SIRPD: variants seen among roughly 807,000 people sequenced by gnomAD.
SIRPD encodes the protein signal regulatory protein delta, also known as signal-regulatory protein delta.
A neutral mutation model predicts 18.0 loss-of-function variants in SIRPD; 21 were observed. That is an observed-to-expected ratio of 1.17 (90% CI 0.83 to 1.68). The LOEUF is 1.68. SIRPD is among the 40% of genes most tolerant of loss of function. The pLI, the probability that SIRPD is intolerant of heterozygous loss-of-function variation, is 0.00. For synonymous variants in SIRPD, 106 were observed against 92.9 expected (o/e 1.14, Z -0.81); for missense variants, 295 against 238.4 (o/e 1.24, Z -1.56).
chr20:1,548,243 T>C (rs1186468495), intron 2 of SIRPD, among the ~76,000 whole-genome samples: 1 of 152,224 alleles, frequency 6.6e-6, no homozygotes, highest in African/African-American at 2.4e-5. Context: ...CTATGGGTTT[T>C]GCATCCATGC....
intron 1 of SIRPD, chr20:1,554,088 TTG>T (rs778248914): frequency 2.6e-5 from 4 of 152,634 alleles, no homozygotes; most frequent in Non-Finnish European, 4.4e-5. Flanking sequence ...TGATCAACCA[TTG>T]TGTTTTCCAC....
intron 2 of SIRPD, among the ~76,000 whole-genome samples, chr20:1,548,800 A>G (rs2091005673): frequency 6.6e-6 from 1 of 152,058 alleles, no homozygotes; most frequent in South Asian, 2.1e-4. Context: ...TAAAGTTGCT[A>G]GTAATGTTCC....
rs1162041243 is a variant in SIRPD at position 1,537,241 on chromosome 20, T to G, written c.491A>C (p.His164Pro). The G allele has an allele frequency of 1.2e-6, 2 of 1,614,136 alleles. No individual in the cohort carries two copies. Among genetic ancestry groups the G allele is most frequent in the Non-Finnish European group, 1.7e-6 (2 of 1,180,010 alleles). ...RAGSRAHHDA[H>P]TCLSALPERN... is the part of the protein sequence containing the mutation. ...CTCAGGCAGGGCCGAGAGGCAGGTA[T>G]GGGCATCATGGTGGGCCCTGGAGCC... is the stretch of plus-strand genomic sequence containing the variant. The change falls in exon 3 of 4, where the codon CAT (histidine) becomes CCT (proline). Residue 164 changes from histidine (H) to proline (P), a missense_variant. By Grantham distance (77) the His-to-Pro change is moderately conservative. Transcript: ENST00000381623.
chr20:1,546,054 G>C (rs1176780728), intron 2 of SIRPD, among the ~76,000 whole-genome samples: 1 of 152,198 alleles, frequency 6.6e-6, no homozygotes, highest in African/African-American at 2.4e-5. Context: ...GGTGTCTGTC[G>C]ACCCCTGCTG....
intron 3 of SIRPD, among the ~76,000 whole-genome samples, chr20:1,535,252 G>C (rs950203708): frequency 6.6e-6 from 1 of 152,180 alleles, no homozygotes; most frequent in Non-Finnish European, 1.5e-5. Flanking sequence ...GATGTATCTA[G>C]AAGCAGCACA....
chr20:1,551,713 C>T lies in SIRPD; in HGVS notation c.399G>A (p.Arg133=), dbSNP rs1405361381. The change falls in exon 2 of 4, where the codon CGG becomes CGA. Residue 133 remains arginine, a synonymous_variant. Transcript: ENST00000381623. Reference sequence around the variant, plus strand: ...CACCAGTAACAAACACCTGAGTGCCCCGACCTGATTGGTACTCCTTGATAG... The same window carrying T: ...CACCAGTAACAAACACCTGAGTGCCTCGACCTGATTGGTACTCCTTGATAG... ...GRAIKEYQSG[R]GTQVFVTEQN... The T allele has an allele frequency of 6.2e-7, 1 of 1,613,370 alleles. No homozygotes were observed. Among genetic ancestry groups the T allele is most frequent in the African/African-American group, 1.3e-5 (1 of 74,872 alleles).
In SIRPD at chr20:1,557,603, C is replaced by T. The variant is rs2250055; in HGVS notation, c.51G>A (p.Leu17=). 357,862 of 1,595,110 alleles carry T rather than the reference C, an allele frequency of 0.22. 43,540 individuals carry two copies. The highest frequency in any genetic ancestry group is 0.25 in the Non-Finnish European group (295,908 of 1,170,614). Residue 17 remains leucine (L), a synonymous_variant, in exon 1 of 4, where the codon CTG becomes CTA. Transcript: ENST00000381623. ...CACCTGCCAGTTCAAGCAGCAGATA[C>T]AGCAGTAAGGAAGGCAGAGGTGGGT... ...PLHPPLPSLL[L]YLLLELAGVT... is the part of the protein sequence containing the mutation.
chr20:1,544,547 C>T (rs1230524710), intron 2 of SIRPD, among the ~76,000 whole-genome samples: 1 of 151,890 alleles, frequency 6.6e-6, no homozygotes, highest in Non-Finnish European at 1.5e-5. Context: ...ATACAACACA[C>T]CGATGGGTCT....
chr20:1,552,996 G>T (rs566671286), intron 1 of SIRPD, among the ~76,000 whole-genome samples: 1 of 152,138 alleles, frequency 6.6e-6, no homozygotes, highest in African/African-American at 2.4e-5. Flanking sequence ...ATTTCATGAC[G>T]TTAATTCAGA....
At chr20:1,552,297 G>C (rs914532306) in intron 1 of SIRPD, among the ~76,000 whole-genome samples, 1 of 152,188 alleles carries the variant, frequency 6.6e-6, no homozygotes, top group African/African-American at 2.4e-5. Context: ...GACAGGGAGA[G>C]AGAAGGGGCA....
intron 3 of SIRPD, among the ~76,000 whole-genome samples, chr20:1,534,972 G>A (rs775031782): frequency 1.3e-5 from 2 of 152,154 alleles, no homozygotes; most frequent in African/African-American, 4.8e-5. Flanking sequence ...GATTTGTAAA[G>A]GAATGGTAAT....
chr20:1,538,009 A>C (rs1415222711), intron 2 of SIRPD, among the ~76,000 whole-genome samples: 1 of 151,954 alleles, frequency 6.6e-6, no homozygotes, highest in Non-Finnish European at 1.5e-5. Context: ...GGGAGAAGGG[A>C]GTGGAGGAGA....
intron 1 of SIRPD, among the ~76,000 whole-genome samples, chr20:1,556,993 CT>C (rs1165404557): frequency 2.0e-5 from 3 of 152,192 alleles, no homozygotes; most frequent in African/African-American, 7.2e-5. Flanking sequence ...TGGCTCACGC[CT>C]ATAATGCGAG....
chr20:1,541,234 A>G (rs985439142), intron 2 of SIRPD, among the ~76,000 whole-genome samples: 1 of 152,200 alleles, frequency 6.6e-6, no homozygotes, highest in Non-Finnish European at 1.5e-5. Flanking sequence ...CAATGGTTGA[A>G]GTAATTTACA....
chr20:1,550,746 T>C (rs2091015251), intron 2 of SIRPD, among the ~76,000 whole-genome samples: 1 of 152,172 alleles, frequency 6.6e-6, no homozygotes, highest in Admixed American at 6.5e-5. Context: ...TATTCCCTAC[T>C]ATGTACACTC....
At chr20:1,546,037 T>C (rs1379024250) in intron 2 of SIRPD, among the ~76,000 whole-genome samples, 1 of 152,192 alleles carries the variant, frequency 6.6e-6, no homozygotes, top group Non-Finnish European at 1.5e-5. Flanking sequence ...AGAGCTCTCC[T>C]GTATGAGGTG....
rs570981511 is a variant in SIRPD at position 1,544,743 on chromosome 20, C to G, written c.421+6948G>C. Reference sequence around the variant, plus strand: ...GTTTTTACATTTTGGCGTGTTTTTGCTGTGTCTGGTACCAGTTTTTCCTTT... The same window carrying G: ...GTTTTTACATTTTGGCGTGTTTTTGGTGTGTCTGGTACCAGTTTTTCCTTT... On this transcript the variant is annotated intron_variant, in intron 2 of 3. Transcript: ENST00000381623. 3.5e-4 allele frequency among the ~76,000 whole-genome samples: 54 copies of G among 152,262 alleles called. 1 individual carries two copies. The highest frequency in any genetic ancestry group is 1.2e-3 in the African/African-American group (51 of 41,542).
Position 1,551,794 on chromosome 20 carries a change from T to A in SIRPD, c.318A>T (p.Glu106Asp). The change falls in exon 2 of 4, where the codon GAA (glutamate) becomes GAT (aspartate). Residue 106 changes from glutamate to aspartate, a missense_variant. Transcript: ENST00000381623. ...GNTDFSTRIR[E>D]ISLADAGTYY... ...AGGTGCCAGCATCAGCAAGAGAGAT[T>A]TCACGGATGCGGGTGGAAAAGTCTG... 6.2e-7 allele frequency: 1 copy of A among 1,614,094 alleles called. No individual in the cohort carries two copies. The highest frequency in any genetic ancestry group is 8.5e-7 in the Non-Finnish European group (1 of 1,179,972).
chr20:1,534,327 A>G lies in SIRPD; in HGVS notation c.*98T>C, dbSNP rs2090936072. The G allele has an allele frequency of 1.3e-6, 2 of 1,533,824 alleles. No individual in the cohort carries two copies. Among genetic ancestry groups the G allele is most frequent in the Non-Finnish European group, 1.8e-6 (2 of 1,122,618 alleles). Reference sequence around the variant, plus strand: ...TGTCAGTGGAAGAAAGCTCTCTTGAAGAAGGCAAATGAAACTCCTAAAAAG... The same window carrying G: ...TGTCAGTGGAAGAAAGCTCTCTTGAGGAAGGCAAATGAAACTCCTAAAAAG... On this transcript the variant is annotated 3_prime_UTR_variant, in exon 4 of 4. Coordinates refer to ENST00000381623, the MANE Select transcript of SIRPD (RefSeq NM_178460.3).
Sources: allele counts gnomAD v4.1 joint callset (sites outside exome capture counted in the v4.1 genomes callset), GRCh38; gene constraint gnomAD v4.1.1; transcripts MANE v1.5; gene names NCBI Gene and HGNC (gene_info 2026-07-23, HGNC 2026-07-21).